SNX32: variants seen among roughly 807,000 people sequenced by gnomAD.
SNX32 encodes sorting nexin-32.
In SNX32, 58 loss-of-function variants were observed where a neutral mutation model predicts 57.0. The observed-to-expected ratio is 1.02, with a 90% CI of 0.82 to 1.27. SNX32 has a LOEUF of 1.27. Among genes scored for constraint, SNX32 ranks in the 50% most tolerant of loss-of-function variants. The pLI is 0.00. For missense variants in SNX32, 589 were observed against 541.2 expected, an observed-to-expected ratio of 1.09 and a Z score of -0.88; for synonymous variants, 262 against 220.4, an observed-to-expected ratio of 1.19 and a Z score of -1.67.
At chr11:65,849,395 G>A in intron 1 of SNX32, 83 bp from the exon 2 acceptor site, 1 of 1,026,804 alleles carries the variant, frequency 9.7e-7, no homozygotes, top group South Asian at 1.5e-5. Context: ...AGAGGGTTCT[G>A]CAGGTGGATC....
chr11:65,853,017 T>TCCCC, intron 12 of SNX32, 59 bp downstream of exon 12: 3 of 1,494,864 alleles, frequency 2.0e-6, no homozygotes, highest in Non-Finnish European at 2.8e-6. Flanking sequence ...CCTCCCTCCC[T>TCCCC]CCCCCAGGCA....
Position 65,853,070 on chromosome 11 carries a change from CGTGT to C in SNX32, c.1158+118_1158+121del, listed in dbSNP as rs140351339. 1,940 of 1,301,364 alleles carry C rather than the reference CGTGT, an allele frequency of 1.5e-3. 29 individuals are homozygous for C. In the African/African-American group the frequency reaches 0.025, roughly 17 times the overall value. 80.6% of individuals were successfully genotyped at this position (1,301,364 alleles called of 1,614,324 possible). A position where few individuals can be genotyped will look rare whatever the true frequency, so the allele number is the denominator to read the frequency against. On this transcript the variant is annotated intron_variant, in intron 12 of 12. Coordinates refer to ENST00000308342, the MANE Select transcript of SNX32 (RefSeq NM_152760.3). ...GTGAGGGTGTGCACGCATGTATGCG[CGTGT>C]GTGTGCATGAGAGGAGCCCCAGCTA...
rs1166989113 is a variant in SNX32 at position 65,851,315 on chromosome 11, T to C, written c.710-13T>C. 3.1e-6 allele frequency: 5 copies of C among 1,613,950 alleles called. No homozygotes were observed. Among genetic ancestry groups the C allele is most frequent in the Non-Finnish European group, 4.2e-6 (5 of 1,179,922 alleles). On this transcript the variant is annotated splice_polypyrimidine_tract_variant and intron_variant, in intron 7 of 12. Coordinates refer to ENST00000308342, the MANE Select transcript of SNX32 (RefSeq NM_152760.3). Reference sequence around the variant, plus strand: ...CAGATGTAGGGGCTCTGATGGGGGCTGTTCCCCAACAGGCCTGGCAGACGA... The same window carrying C: ...CAGATGTAGGGGCTCTGATGGGGGCCGTTCCCCAACAGGCCTGGCAGACGA...
intron 1 of SNX32, among the ~76,000 whole-genome samples, chr11:65,836,293 A>G (rs1858666708): frequency 6.6e-6 from 1 of 152,216 alleles, no homozygotes; most frequent in South Asian, 2.1e-4. Flanking sequence ...CTGTAATCGC[A>G]GCACTCTGGG....
chr11:65,843,059 C>T (rs1003805491), intron 1 of SNX32, among the ~76,000 whole-genome samples: 7 of 143,186 alleles, frequency 4.9e-5, no homozygotes, highest in African/African-American at 1.8e-4. Context: ...CCCGTCTCTA[C>T]TAAAAATACA....
rs1181002800 is a variant in SNX32, at chr11:65,853,564, G to T, written c.*229G>T. 2 of 587,856 alleles carry T rather than the reference G, an allele frequency of 3.4e-6. No homozygotes were observed. Among genetic ancestry groups the T allele is most frequent in the Admixed American group, 6.0e-5 (2 of 33,480 alleles). 36.4% of individuals were successfully genotyped at this position (587,856 alleles called of 1,614,324 possible). A position where few individuals can be genotyped will look rare whatever the true frequency, so the allele number is the denominator to read the frequency against. Reference sequence around the variant, plus strand: ...GCATCATAACTGGCCACAGTCAGCAGAGCCCCAGGGACCCTGACACCTCTC... The same window carrying T: ...GCATCATAACTGGCCACAGTCAGCATAGCCCCAGGGACCCTGACACCTCTC... On this transcript the variant is annotated 3_prime_UTR_variant, in exon 13 of 13. Transcript: ENST00000308342.
chr11:65,841,529 T>C (rs981766832), intron 1 of SNX32, among the ~76,000 whole-genome samples: 39 of 152,168 alleles, frequency 2.6e-4, no homozygotes, highest in African/African-American at 9.2e-4. Context: ...TGAGCCACTA[T>C]GCCCAGTCTA....
intron 1 of SNX32, among the ~76,000 whole-genome samples, chr11:65,849,001 AGG>A (rs1174469460): frequency 6.6e-6 from 1 of 151,542 alleles, no homozygotes; most frequent in Non-Finnish European, 1.5e-5. Context: ...AAAGTTAGCC[AGG>A]CATGGTGGCT....
rs756821009 is a variant in SNX32, at chr11:65,851,150, C to T, written c.699C>T (p.Arg233=). The part of the protein sequence containing the change: ...DACLRADRVM[R]AHKCLADDYI... ...GCCTGCGGGCCGACCGCGTCATGCG[C>T]GCCCACAAGTGTACGCAGGGCCCAA... Residue 233 remains arginine (R), a synonymous_variant, in exon 7 of 13, where the codon CGC becomes CGT. Coordinates refer to ENST00000308342, the MANE Select transcript of SNX32 (RefSeq NM_152760.3). The T allele has an allele frequency of 7.4e-6, 12 of 1,612,608 alleles. No homozygotes were observed. The highest frequency in any genetic ancestry group is 1.6e-4 in the Middle Eastern group (1 of 6,062).
At chr11:65,847,350 G>A (rs1385825265) in intron 1 of SNX32, among the ~76,000 whole-genome samples, 1 of 152,054 alleles carries the variant, frequency 6.6e-6, no homozygotes, top group Non-Finnish European at 1.5e-5. Flanking sequence ...GCACATGCCC[G>A]TGGTCCTTGC....
intron 1 of SNX32, among the ~76,000 whole-genome samples, chr11:65,847,122 G>GC (rs926056761): frequency 9.0e-4 from 135 of 149,914 alleles, no homozygotes; most frequent in African/African-American, 1.2e-3. Context: ...TCCCACCTCA[G>GC]CCCCCCCCAA....
chr11:65,849,950 T>A lies in SNX32; in HGVS notation c.172T>A (p.Phe58Ile). The A allele has an allele frequency of 6.3e-7, 1 of 1,594,868 alleles. No homozygotes were observed. The highest frequency in any genetic ancestry group is 8.6e-7 in the Non-Finnish European group (1 of 1,167,236). ...SCLPHFAQTE[F>I]SVVRQHEEFI... ...CCTCCCTCACTTCGCCCAGACCGAG[T>A]TCTCAGTCGTGCGGCAGCACGAGGA... Residue 58 changes from phenylalanine (F) to isoleucine (I), a missense_variant, in exon 3 of 13, where the codon TTC becomes ATC. Phe to Ile is a conservative substitution (Grantham distance 21). Coordinates refer to ENST00000308342, the MANE Select transcript of SNX32 (RefSeq NM_152760.3).
chr11:65,852,569 C>G lies in SNX32; in HGVS notation c.912+18C>G, dbSNP rs201325063. 15 of 1,614,096 alleles carry G rather than the reference C, an allele frequency of 9.3e-6. No individual in the cohort carries two copies. Among genetic ancestry groups the G allele is most frequent in the Non-Finnish European group, 1.3e-5 (15 of 1,179,982 alleles). On this transcript the variant is annotated intron_variant, in intron 10 of 12. Transcript: ENST00000308342. ...CAGCCAAGGTGAGAGGCAGCCCCAGCGCAGCGCTCAGGCCCGGATGCCAGG... is the reference window on the plus strand; with the variant it reads ...CAGCCAAGGTGAGAGGCAGCCCCAGGGCAGCGCTCAGGCCCGGATGCCAGG...
At chr11:65,841,828 A>G (rs750132417) in intron 1 of SNX32, among the ~76,000 whole-genome samples, 6 of 152,092 alleles carry the variant, frequency 3.9e-5, no homozygotes, top group Non-Finnish European at 5.9e-5. Flanking sequence ...GACATGCAAG[A>G]CCTTTACACA....
intron 1 of SNX32, among the ~76,000 whole-genome samples, chr11:65,838,102 G>A (rs1422030049): frequency 2.0e-5 from 3 of 151,890 alleles, no homozygotes; most frequent in South Asian, 4.1e-4. Flanking sequence ...GTTGCAGTGA[G>A]CCAAGATCAT....
intron 1 of SNX32, among the ~76,000 whole-genome samples, chr11:65,844,448 A>T (rs1035921199): frequency 5.6e-4 from 85 of 152,152 alleles, no homozygotes; most frequent in African/African-American, 1.3e-3. Flanking sequence ...AAAAAAAAAA[A>T]AATAATAAAT....
At chr11:65,851,970 C>G (rs1859213349) in intron 9 of SNX32, among the ~76,000 whole-genome samples, 1 of 152,170 alleles carries the variant, frequency 6.6e-6, no homozygotes, top group African/African-American at 2.4e-5. Flanking sequence ...CTGCACCCAG[C>G]TGCCAGCACA....
chr11:65,838,093 T>G (rs992664911), intron 1 of SNX32, among the ~76,000 whole-genome samples: 3 of 151,422 alleles, frequency 2.0e-5, no homozygotes, highest in Non-Finnish European at 4.4e-5. Context: ...GAGGCGGAGG[T>G]TGCAGTGAGC....
At chr11:65,842,949 CAA>C (rs922615169) in intron 1 of SNX32, among the ~76,000 whole-genome samples, 132 of 41,236 alleles carry the variant, frequency 3.2e-3, no homozygotes, top group African/African-American at 9.9e-3. Context: ...AACTCCATCT[CAA>C]AAAAAAAAAA....
Sources: allele counts gnomAD v4.1 joint callset (sites outside exome capture counted in the v4.1 genomes callset), GRCh38; gene constraint gnomAD v4.1.1; transcripts MANE v1.5; gene names NCBI Gene and HGNC (gene_info 2026-07-23, HGNC 2026-07-21).